PDLIM5: variants seen among roughly 807,000 people sequenced by gnomAD.
PDLIM5 encodes the protein PDZ and LIM domain protein 5.
PDLIM5 carries 34 observed loss-of-function variants against 64.2 expected under a neutral mutation model. That is an observed-to-expected ratio of 0.53 (90% CI 0.40 to 0.71). The LOEUF is 0.71. Ranked by LOEUF, PDLIM5 falls within the 30% of genes least tolerant of loss-of-function variation. The pLI, the probability that PDLIM5 is intolerant of heterozygous loss-of-function variation, is 0.00. For synonymous variants in PDLIM5, 253 were observed against 269.1 expected (o/e 0.94, Z 0.59); for missense variants, 683 against 733.6 (o/e 0.93, Z 0.80).
intron 3 of PDLIM5, among the ~76,000 whole-genome samples, chr4:94,565,753 T>C (rs757504796): frequency 3.9e-5 from 6 of 152,184 alleles, no homozygotes; most frequent in Non-Finnish European, 5.9e-5. Flanking sequence ...TAAAGAACAA[T>C]GGACTGAAAC....
chr4:94,613,734 A>T (rs1157147004), intron 7 of PDLIM5, among the ~76,000 whole-genome samples: 1 of 152,114 alleles, frequency 6.6e-6, no homozygotes. Flanking sequence ...TCCTCATTAG[A>T]ATTATTTAGA....
chr4:94,578,848 C>G (rs926242847), intron 5 of PDLIM5, among the ~76,000 whole-genome samples: 1 of 151,794 alleles, frequency 6.6e-6, no homozygotes, highest in Non-Finnish European at 1.5e-5. Flanking sequence ...ATAATACATA[C>G]CAATGACCAA....
chr4:94,517,976 G>A (rs1436153241), intron 2 of PDLIM5, among the ~76,000 whole-genome samples: 1 of 152,046 alleles, frequency 6.6e-6, no homozygotes, highest in Admixed American at 6.6e-5. Context: ...TCTTAGTTTG[G>A]CAACTGCTGG....
At chr4:94,454,890 A>C (rs1431254730) in intron 1 of PDLIM5, among the ~76,000 whole-genome samples, 1 of 152,136 alleles carries the variant, frequency 6.6e-6, no homozygotes, top group Non-Finnish European at 1.5e-5. Context: ...GAAGGAGAAA[A>C]TTATTCTGAA....
chr4:94,564,813 G>A (rs111333913), intron 3 of PDLIM5, among the ~76,000 whole-genome samples: 8,454 of 151,718 alleles, frequency 0.056, 779 homozygotes, highest in African/African-American at 0.19. Context: ...GTGCCACCAC[G>A]CCCAGCTAAT....
intron 2 of PDLIM5, among the ~76,000 whole-genome samples, chr4:94,500,333 G>C (rs1255213474): frequency 1.3e-5 from 2 of 152,176 alleles, no homozygotes; most frequent in Admixed American, 6.5e-5. Context: ...TTGAAAAGCT[G>C]TGAACTTTAT....
At chr4:94,654,317 C>T in intron 9 of PDLIM5, 143 bp from the exon 10 acceptor site, 1 of 624,448 alleles carries the variant, frequency 1.6e-6, no homozygotes, top group Non-Finnish European at 2.9e-6. Context: ...ATTTACAACA[C>T]CCAACACCCA....
intron 3 of PDLIM5, among the ~76,000 whole-genome samples, chr4:94,539,807 G>T (rs867901211): frequency 6.6e-5 from 10 of 152,168 alleles, no homozygotes; most frequent in Non-Finnish European, 1.2e-4. Flanking sequence ...GGTGCACTCA[G>T]TTCTGAGAAC....
intron 11 of PDLIM5, among the ~76,000 whole-genome samples, chr4:94,661,406 GAAAA>G (rs1198020000): frequency 6.7e-6 from 1 of 148,738 alleles, no homozygotes; most frequent in Non-Finnish European, 1.5e-5. Flanking sequence ...AATGAAAGAA[GAAAA>G]AAAAAGAAAA....
At chr4:94,660,639 A>AC (rs1742620782) in intron 11 of PDLIM5, among the ~76,000 whole-genome samples, 1 of 152,192 alleles carries the variant, frequency 6.6e-6, no homozygotes, top group East Asian at 1.9e-4. Context: ...TCACCACTGT[A>AC]CCCCTGCAGT....
intron 3 of PDLIM5, among the ~76,000 whole-genome samples, chr4:94,562,045 G>A (rs1733900624): frequency 6.6e-6 from 1 of 152,122 alleles, no homozygotes; most frequent in South Asian, 2.1e-4. Flanking sequence ...TGTCTTTGAG[G>A]ATATCATTGC....
intron 2 of PDLIM5, among the ~76,000 whole-genome samples, chr4:94,478,519 A>G (rs907818404): frequency 6.6e-6 from 1 of 152,238 alleles, no homozygotes; most frequent in Non-Finnish European, 1.5e-5. Flanking sequence ...TTAAAAGTCA[A>G]TGTAAAGTTA....
At chr4:94,526,837 A>T (rs1389840059) in intron 3 of PDLIM5, among the ~76,000 whole-genome samples, 1 of 150,444 alleles carries the variant, frequency 6.6e-6, no homozygotes, top group African/African-American at 2.5e-5. Flanking sequence ...GGTTCAAGGG[A>T]TTCCCCTACC....
At chr4:94,481,888 T>A (rs558782168) in intron 2 of PDLIM5, among the ~76,000 whole-genome samples, 2 of 152,150 alleles carry the variant, frequency 1.3e-5, no homozygotes, top group African/African-American at 2.4e-5. Flanking sequence ...GGATTACAGG[T>A]GTGAGCCACC....
chr4:94,619,373 G>A (rs1186155742), intron 8 of PDLIM5, among the ~76,000 whole-genome samples: 2 of 149,256 alleles, frequency 1.3e-5, no homozygotes, highest in East Asian at 3.9e-4. Flanking sequence ...TTCCACGGTG[G>A]CTCACGCCTG....
chr4:94,634,350 A>G (rs544953557), intron 8 of PDLIM5, among the ~76,000 whole-genome samples: 4 of 152,256 alleles, frequency 2.6e-5, no homozygotes, highest in South Asian at 2.1e-4. Flanking sequence ...TTGTATCACC[A>G]TGAGCAGTTC....
Position 94,468,747 on chromosome 4 carries a change from C to G in PDLIM5, c.96+13363C>G, listed in dbSNP as rs577125326. ...CGATTTTATTGTTACTACTTACTATCTTTTAGGAGAAGTGGGTAAATTCTC... is the reference window on the plus strand; with the variant it reads ...CGATTTTATTGTTACTACTTACTATGTTTTAGGAGAAGTGGGTAAATTCTC... On this transcript the variant is annotated intron_variant, in intron 2 of 12. Transcript: ENST00000317968. Among the ~76,000 whole-genome samples, 72 of 152,284 alleles carry G rather than the reference C, an allele frequency of 4.7e-4. 1 individual carries two copies. The highest frequency in any genetic ancestry group is 4.7e-3 in the Admixed American group (72 of 15,298).
chr4:94,545,022 C>T (rs1157761753), intron 3 of PDLIM5, among the ~76,000 whole-genome samples: 1 of 152,174 alleles, frequency 6.6e-6, no homozygotes, highest in Non-Finnish European at 1.5e-5. Context: ...AGAGTTCAAA[C>T]CTGACTTCAT....
At chr4:94,460,790 A>G (rs1413807832) in intron 2 of PDLIM5, among the ~76,000 whole-genome samples, 4 of 152,204 alleles carry the variant, frequency 2.6e-5, no homozygotes, top group Admixed American at 2.6e-4. Context: ...ACTTGGATTT[A>G]AATCTTAGCT....
Sources: allele counts gnomAD v4.1 joint callset (sites outside exome capture counted in the v4.1 genomes callset), GRCh38; gene constraint gnomAD v4.1.1; transcripts MANE v1.5; gene names NCBI Gene and HGNC (gene_info 2026-07-23, HGNC 2026-07-21).